DENND1B: variants seen among roughly 807,000 people sequenced by gnomAD.
The protein encoded by DENND1B is DENN domain-containing protein 1B.
DENND1B carries 59 observed loss-of-function variants against 90.1 expected under a neutral mutation model. The observed-to-expected ratio is 0.65, with a 90% CI of 0.53 to 0.81. The LOEUF (loss-of-function observed/expected upper bound fraction) is 0.81. DENND1B is among the 40% of genes least tolerant of loss of function. The probability of loss-of-function intolerance (pLI) is 0.00; values close to 1 mark genes in which losing one functional copy is unlikely to be tolerated. For synonymous variants in DENND1B, 337 were observed against 324.6 expected, an observed-to-expected ratio of 1.04 and a Z score of -0.41; for missense variants, 862 against 912.6, an observed-to-expected ratio of 0.94 and a Z score of 0.71.
At chr1:197,617,787 T>C in intron 10 of DENND1B, 28 bp from the exon 11 acceptor site, 2 of 1,527,016 alleles carry the variant, frequency 1.3e-6, no homozygotes, top group African/African-American at 2.7e-5. Context: ...ATAACAAAAA[T>C]AAGTAGCTGC....
intron 2 of DENND1B, among the ~76,000 whole-genome samples, chr1:197,728,878 T>G (rs1276715574): frequency 6.6e-6 from 1 of 152,170 alleles, no homozygotes; most frequent in African/African-American, 2.4e-5. Flanking sequence ...AAACCAGTGT[T>G]GCAAAATTCT....
At chr1:197,731,584 A>G (rs115374581) in intron 2 of DENND1B, among the ~76,000 whole-genome samples, 1,548 of 152,290 alleles carry the variant, frequency 0.01, 26 homozygotes, top group African/African-American at 0.035. Flanking sequence ...TAGACATGCC[A>G]TGCATTGTCA....
chr1:197,652,923 T>C (rs1653395568), intron 6 of DENND1B, among the ~76,000 whole-genome samples: 1 of 152,086 alleles, frequency 6.6e-6, no homozygotes, highest in Non-Finnish European at 1.5e-5. Context: ...TTTTTCTGCA[T>C]CACATACTAC....
upstream of DENND1B, among the ~76,000 whole-genome samples, chr1:197,776,394 A>G (rs1657271062): frequency 6.6e-6 from 1 of 152,116 alleles, no homozygotes; most frequent in South Asian, 2.1e-4. Flanking sequence ...CATATTTAGG[A>G]TCTACTGAGA....
chr1:197,610,549 T>C (rs1028815356), intron 12 of DENND1B, among the ~76,000 whole-genome samples: 3 of 150,648 alleles, frequency 2.0e-5, no homozygotes, highest in Non-Finnish European at 4.5e-5. Context: ...ATGTATCCTA[T>C]TAGATTCATT....
At chr1:197,575,904 G>A (rs945396123) in intron 15 of DENND1B, among the ~76,000 whole-genome samples, 47 of 152,090 alleles carry the variant, frequency 3.1e-4, no homozygotes, top group African/African-American at 1.1e-3. Flanking sequence ...GACACAGGGC[G>A]GGAACATCAC....
intron 4 of DENND1B, among the ~76,000 whole-genome samples, chr1:197,672,945 C>T (rs566030778): frequency 5.3e-5 from 8 of 151,914 alleles, no homozygotes; most frequent in East Asian, 3.9e-4. Context: ...TAACCATAAC[C>T]GAACTTTTGC....
chr1:197,542,988 G>A (rs997789451), intron 18 of DENND1B, among the ~76,000 whole-genome samples: 46 of 151,858 alleles, frequency 3.0e-4, no homozygotes, highest in African/African-American at 1.1e-3. Flanking sequence ...AGGCTGGAGT[G>A]CAGTGGCACA....
intron 6 of DENND1B, among the ~76,000 whole-genome samples, chr1:197,655,989 G>A (rs1653780132): frequency 6.6e-6 from 1 of 152,132 alleles, no homozygotes; most frequent in Non-Finnish European, 1.5e-5. Context: ...AGATTAATTT[G>A]AAGAGAAGGT....
intron 15 of DENND1B, among the ~76,000 whole-genome samples, chr1:197,571,905 G>A (rs1292945702): frequency 6.6e-6 from 1 of 152,172 alleles, no homozygotes; most frequent in South Asian, 2.1e-4. Context: ...TGGGATAAAT[G>A]CTACAAGTGA....
At chr1:197,547,539 A>C (rs1273992450) in intron 16 of DENND1B, among the ~76,000 whole-genome samples, 1 of 152,180 alleles carries the variant, frequency 6.6e-6, no homozygotes, top group Non-Finnish European at 1.5e-5. Flanking sequence ...ATATCAAAAA[A>C]CAATTTTTAT....
chr1:197,586,514 T>C (rs188536327), intron 14 of DENND1B, among the ~76,000 whole-genome samples: 1 of 152,284 alleles, frequency 6.6e-6, no homozygotes, highest in Admixed American at 6.5e-5. Flanking sequence ...ACCACTGATA[T>C]CGACAGTAAC....
intron 3 of DENND1B, among the ~76,000 whole-genome samples, chr1:197,686,596 C>T (rs1191024471): frequency 2.0e-5 from 3 of 152,050 alleles, no homozygotes; most frequent in Non-Finnish European, 4.4e-5. Flanking sequence ...AAGAAATGTA[C>T]TAAGAAATGT....
At chr1:197,680,808 G>GT (rs1656607528) in intron 3 of DENND1B, among the ~76,000 whole-genome samples, 1 of 152,074 alleles carries the variant, frequency 6.6e-6, no homozygotes, top group Non-Finnish European at 1.5e-5. Flanking sequence ...CAAACTACTG[G>GT]TTATGTGCTC....
chr1:197,555,391 A>G (rs929384963), intron 15 of DENND1B, among the ~76,000 whole-genome samples: 1 of 152,168 alleles, frequency 6.6e-6, no homozygotes, highest in East Asian at 1.9e-4. Context: ...GCTTCTGCAC[A>G]GCAAAAGAAA....
chr1:197,640,463 ACT>A (rs1316733537), intron 10 of DENND1B, among the ~76,000 whole-genome samples: 1 of 149,580 alleles, frequency 6.7e-6, no homozygotes, highest in Non-Finnish European at 1.5e-5. Flanking sequence ...ACAAAGTGAG[ACT>A]CTGTCTCAAA....
chr1:197,597,034 T>C (rs1252488775), intron 13 of DENND1B, among the ~76,000 whole-genome samples: 1 of 151,842 alleles, frequency 6.6e-6, no homozygotes, highest in Non-Finnish European at 1.5e-5. Flanking sequence ...CCCATAGCTG[T>C]GATCTTTTCA....
At chr1:197,680,440 T>C (rs79316170) in intron 3 of DENND1B, among the ~76,000 whole-genome samples, 22 of 152,296 alleles carry the variant, frequency 1.4e-4, no homozygotes, top group Non-Finnish European at 2.1e-4. Context: ...TCAAGATAAG[T>C]AGACTTAAGA....
At chr1:197,608,215 A>G (rs1032047146) in intron 12 of DENND1B, among the ~76,000 whole-genome samples, 10 of 150,618 alleles carry the variant, frequency 6.6e-5, no homozygotes, top group African/African-American at 2.2e-4. Context: ...TTCATTTACA[A>G]TTTCAAATCT....
Sources: gnomAD v4.1 joint callset for allele counts (sites outside exome capture counted in the v4.1 genomes callset) on GRCh38, gnomAD v4.1.1 for gene constraint, MANE v1.5 for transcripts, NCBI Gene and HGNC (gene_info 2026-07-23, HGNC 2026-07-21) for gene names.